USP35: variants seen among roughly 807,000 people sequenced by gnomAD.
The protein encoded by USP35 is ubiquitin specific peptidase 35.
In USP35, 69 loss-of-function variants were observed where a neutral mutation model predicts 83.8. The observed-to-expected ratio is 0.82, with a 90% CI of 0.68 to 1.01. USP35 has a LOEUF of 1.01. Among genes scored for constraint, USP35 ranks in the 50% least tolerant of loss-of-function variants. The probability of loss-of-function intolerance (pLI) is 0.00; values close to 1 mark genes in which losing one functional copy is unlikely to be tolerated. For synonymous variants in USP35, 714 were observed against 589.5 expected (o/e 1.21, Z -3.06); for missense variants, 1,503 against 1,362.5 (o/e 1.10, Z -1.62).
intron 8 of USP35, among the ~76,000 whole-genome samples, chr11:78,208,428 C>T (rs1336071000): frequency 1.3e-5 from 2 of 152,130 alleles, no homozygotes; most frequent in African/African-American, 4.8e-5. Context: ...AGGGATTATG[C>T]AAAGCTCTGT....
downstream of USP35, chr11:78,219,453 G>A (rs901104): frequency 0.17 from 280,302 of 1,602,208 alleles, 28,443 homozygotes; most frequent in East Asian, 0.4. Flanking sequence ...GTAGCTGTGA[G>A]TTACCAGTTA....
intron 3 of USP35, 173 bp from the exon 4 acceptor site, chr11:78,199,422 T>A (rs1028997508): frequency 1.0e-6 from 1 of 969,586 alleles, no homozygotes; most frequent in African/African-American, 1.6e-5. Flanking sequence ...GTGGCTGTGC[T>A]GGGCTTGTGC....
Position 78,209,679 on chromosome 11 carries a change from C to A in USP35, c.1824C>A (p.Arg608=), listed in dbSNP as rs1863664880. 1.9e-6 allele frequency: 3 copies of A among 1,613,984 alleles called. No individual in the cohort carries two copies. Among genetic ancestry groups the A allele is most frequent in the Non-Finnish European group, 2.5e-6 (3 of 1,179,908 alleles). ...LAFPPPERCR[R]RRLGSVMRPT... is the part of the protein sequence containing the mutation. ...TCCCTCCTCCTGAGCGCTGTCGCCG[C>A]CGCCGCCTGGGCTCTGTGATGCGCC... Residue 608 remains arginine, a synonymous_variant, in exon 10 of 11, where the codon CGC becomes CGA. Transcript: ENST00000529308.
downstream of USP35, among the ~76,000 whole-genome samples, chr11:78,219,946 C>T (rs558225926): frequency 2.6e-5 from 4 of 152,130 alleles, no homozygotes; most frequent in Non-Finnish European, 5.9e-5. Flanking sequence ...GATGTATCGA[C>T]GGCAGGGCTC....
chr11:78,236,862 G>A, the USP35 span, among the ~76,000 whole-genome samples: 1 of 152,050 alleles, frequency 6.6e-6, no homozygotes, highest in Admixed American at 6.5e-5. Context: ...ATACACACAT[G>A]CATATTCCCT....
the USP35 span, chr11:78,220,396 C>T: frequency 1.4e-5 from 22 of 1,605,010 alleles, no homozygotes; most frequent in Non-Finnish European, 1.8e-5. Flanking sequence ...TTCTTAGGGG[C>T]AGGACTGTTC....
chr11:78,199,845 G>C, intron 4 of USP35, 121 bp downstream of exon 4: 1 of 1,492,110 alleles, frequency 6.7e-7, no homozygotes, highest in Non-Finnish European at 9.1e-7. Context: ...TGTGACCTGG[G>C]CGAATTCACT....
chr11:78,207,774 G>A lies in USP35; in HGVS notation c.1485+151G>A. The A allele has an allele frequency of 6.5e-6, 5 of 774,228 alleles. No homozygotes were observed. The South Asian group carries it at 7.0e-5, about 11-fold the overall frequency. 48.0% of individuals were successfully genotyped at this position (774,228 alleles called of 1,614,324 possible). A position where few individuals can be genotyped will look rare whatever the true frequency, so the allele number is the denominator to read the frequency against. On this transcript the variant is annotated intron_variant, in intron 8 of 10. Transcript: ENST00000529308. ...CCTGGCCGGGCTGGCATATGGAACT[G>A]ATTTAGTGCCCTGCTGGGGCAGGAG...
chr11:78,197,069 G>A, intron 2 of USP35, 151 bp downstream of exon 2: 1 of 1,337,340 alleles, frequency 7.5e-7, no homozygotes, highest in Non-Finnish European at 9.6e-7. Flanking sequence ...GCTGCAGCCT[G>A]CCTTCATGTA....
intron 1 of USP35, among the ~76,000 whole-genome samples, chr11:78,190,773 C>T (rs1862979894): frequency 1.3e-5 from 2 of 152,282 alleles, no homozygotes; most frequent in South Asian, 4.1e-4. Flanking sequence ...AAGGGTGAGT[C>T]AGAATTTTCC....
Position 78,209,902 on chromosome 11 carries a change from G to T in USP35, c.2047G>T (p.Gly683Trp). 1 of 1,602,092 alleles carries T rather than the reference G, an allele frequency of 6.2e-7. No individual in the cohort carries two copies. Among genetic ancestry groups the T allele is most frequent in the East Asian group, 2.3e-5 (1 of 44,236 alleles). Residue 683 changes from glycine to tryptophan, a missense_variant, in exon 10 of 11, where the codon GGG (glycine) becomes TGG (tryptophan). Coordinates refer to ENST00000529308, the MANE Select transcript of USP35 (RefSeq NM_020798.4). ...GGAAAGGATAGAGAGGGAGGAAGAA[G>T]GGAAGGAGGAGAGAACGGAGAAGGA... ...QEERIEREEEGKEERTEKEEV... is the reference protein window; with the variant it reads ...QEERIEREEEWKEERTEKEEV...
At chr11:78,208,256 A>G (rs1863597851) in intron 8 of USP35, among the ~76,000 whole-genome samples, 1 of 152,220 alleles carries the variant, frequency 6.6e-6, no homozygotes, top group African/African-American at 2.4e-5. Context: ...TATGTTTCCA[A>G]CACATGCTTT....
In USP35 at chr11:78,208,885, T is replaced by C; in HGVS notation, c.1514T>C (p.Leu505Pro). 6.2e-7 allele frequency: 1 copy of C among 1,614,166 alleles called. No homozygotes were observed. The highest frequency in any genetic ancestry group is 8.5e-7 in the Non-Finnish European group (1 of 1,180,018). Residue 505 changes from leucine (L) to proline (P), a missense_variant, in exon 9 of 11, where the codon CTC (leucine) becomes CCC (proline). Transcript: ENST00000529308. ...QRPAISPENF[L>P]SASWTPWFSP... The stretch of plus-strand genomic sequence containing the variant: ...CCTGCCATTTCCCCAGAGAACTTCC[T>C]CTCCGCATCCTGGACGCCCTGGTTC...
Position 78,210,441 on chromosome 11 carries a change from C to CT in USP35, c.2587dup (p.Tyr863LeufsTer7), listed in dbSNP as rs1404399119. 6.2e-7 allele frequency: 1 copy of CT among 1,614,232 alleles called. No homozygotes were observed. Among genetic ancestry groups the CT allele is most frequent in the Admixed American group, 1.7e-5 (1 of 60,038 alleles). Reference sequence around the variant, plus strand: ...CTGGAGTGTCTTCGGAGAGTGGTCACTACTACTGCTATGCCCGTGAGGGCG... The same window carrying CT: ...CTGGAGTGTCTTCGGAGAGTGGTCACTTACTACTGCTATGCCCGTGAGGGCG... On this transcript the variant is annotated frameshift_variant, in exon 10 of 11. Transcript: ENST00000529308. LOFTEE classifies it high-confidence loss of function.
At chr11:78,203,854 A>G (rs1863440275) in intron 6 of USP35, among the ~76,000 whole-genome samples, 1 of 147,772 alleles carries the variant, frequency 6.8e-6, no homozygotes, top group Non-Finnish European at 1.5e-5. Flanking sequence ...TTGGGATTAC[A>G]GGTGTGAGCC....
Position 78,198,075 on chromosome 11 carries a change from C to T in USP35, c.806+7C>T, listed in dbSNP as rs145844330. 1.3e-3 allele frequency: 2,069 copies of T among 1,614,060 alleles called. 17 individuals are homozygous for T. The African/African-American group carries it at 0.023, about 18-fold the overall frequency. On this transcript the variant is annotated splice_region_variant and intron_variant, in intron 3 of 10. Coordinates refer to ENST00000529308, the MANE Select transcript of USP35 (RefSeq NM_020798.4). ...TGCTGACTGCCATTAGCAGGTGGGA[C>T]GCTGAGGCTGAGCCATGATCAGGGC...
At position 78,200,817 on chromosome 11, in the gene USP35, C is replaced by T. The variant is rs1863331482; in HGVS notation, c.1197+9C>T. Reference sequence around the variant, plus strand: ...TCATGGAGGCCATCAAGGTGAGCGACAGTCCCCTACTTGGGCCTTGCCCCA... The same window carrying T: ...TCATGGAGGCCATCAAGGTGAGCGATAGTCCCCTACTTGGGCCTTGCCCCA... On this transcript the variant is annotated intron_variant, in intron 6 of 10. Transcript: ENST00000529308. 1.9e-6 allele frequency: 3 copies of T among 1,595,294 alleles called. No individual in the cohort carries two copies. Among genetic ancestry groups the T allele is most frequent in the Admixed American group, 3.4e-5 (2 of 58,426 alleles).
At chr11:78,225,028 G>A in the USP35 span, 1 of 846,580 alleles carries the variant, frequency 1.2e-6, no homozygotes. Context: ...ATCTTTTGGG[G>A]TTGTGCTTTT....
intron 4 of USP35, 99 bp from the exon 5 acceptor site, chr11:78,200,034 T>C: frequency 7.5e-7 from 1 of 1,329,322 alleles, no homozygotes; most frequent in Non-Finnish European, 1.1e-6. Flanking sequence ...TGCATGGGTT[T>C]GAACTCTAGG....
Sources: gnomAD v4.1 joint callset for allele counts (sites outside exome capture counted in the v4.1 genomes callset) on GRCh38, gnomAD v4.1.1 for gene constraint, MANE v1.5 for transcripts, NCBI Gene and HGNC (gene_info 2026-07-23, HGNC 2026-07-21) for gene names.